The following FGF13 variants were observed in gnomAD, a reference collection of about 807,000 sequenced individuals.
FGF13 encodes fibroblast growth factor 13, also known as fibroblast growth factor homologous factor 2.
Under a neutral mutation model 19.5 loss-of-function variants are expected in FGF13, and 2 were observed. That is an observed-to-expected ratio of 0.10 (90% CI 0.04 to 0.32). FGF13 has a LOEUF of 0.32. FGF13 is among the 10% of genes least tolerant of loss of function. FGF13 has a pLI of 1.00. For missense variants in FGF13, 113 were observed against 192.7 expected, an observed-to-expected ratio of 0.59 and a Z score of 2.45; for synonymous variants, 72 against 76.9, an observed-to-expected ratio of 0.94 and a Z score of 0.33.
chrX:138,719,325 C>T (rs1416878124), intron 1 of FGF13, among the ~76,000 whole-genome samples: 2 of 111,874 alleles, frequency 1.8e-5, no homozygotes, highest in South Asian at 3.7e-4. Flanking sequence ...AAGCACAGTT[C>T]ATAACACTCA....
At chrX:138,918,298 G>T (rs991830814) in intron 1 of FGF13, among the ~76,000 whole-genome samples, 1 of 111,182 alleles carries the variant, frequency 9.0e-6, no homozygotes, top group Non-Finnish European at 1.9e-5. Flanking sequence ...ACTCTGTCAT[G>T]ATTAAACAAC....
In FGF13 at chrX:138,818,185, T is replaced by C. The variant is rs181850524; in HGVS notation, c.217+39327A>G. Reference sequence around the variant, plus strand: ...GGTTGTGCTTAGAGATTTCTACATATTTGATTTCTCAGAGTGTGAAGTATG... The same window carrying C: ...GGTTGTGCTTAGAGATTTCTACATACTTGATTTCTCAGAGTGTGAAGTATG... On this transcript the variant is annotated intron_variant, in intron 3 of 6. Transcript: ENST00000436198. Among the ~76,000 whole-genome samples, 9 of 111,400 alleles carry C rather than the reference T, an allele frequency of 8.1e-5. No homozygotes were observed. The East Asian group carries it at 2.6e-3, about 32-fold the overall frequency.
At chrX:138,794,286 G>T (rs2090761978) in intron 3 of FGF13, among the ~76,000 whole-genome samples, 1 of 111,678 alleles carries the variant, frequency 9.0e-6, no homozygotes, top group Non-Finnish European at 1.9e-5. Flanking sequence ...TTTATGAAAT[G>T]AATGATTCAT....
intron 1 of FGF13, among the ~76,000 whole-genome samples, chrX:138,900,833 T>C (rs1407018794): frequency 9.0e-6 from 1 of 111,696 alleles, no homozygotes; most frequent in Non-Finnish European, 1.9e-5. Context: ...CACTGCTTTT[T>C]TTCTGCCCTT....
intron 1 of FGF13, among the ~76,000 whole-genome samples, chrX:139,106,512 T>C (rs2083561626): frequency 8.9e-6 from 1 of 112,211 alleles, no homozygotes; most frequent in South Asian, 3.7e-4. Context: ...TTTATAAATT[T>C]TTAGTGCTGG....
At chrX:138,641,137 G>A (rs747998415) in intron 3 of FGF13, among the ~76,000 whole-genome samples, 10 of 112,079 alleles carry the variant, frequency 8.9e-5, no homozygotes, top group African/African-American at 3.2e-4. Context: ...AATACATTTT[G>A]TTTAATTCAC....
At chrX:138,832,858 C>CCAGTT (rs1331031213) in intron 3 of FGF13, among the ~76,000 whole-genome samples, 1 of 111,931 alleles carries the variant, frequency 8.9e-6, no homozygotes, top group Non-Finnish European at 1.9e-5. Context: ...AGAAAAGGTT[C>CCAGTT]CAGTTTCAAA....
intron 1 of FGF13, among the ~76,000 whole-genome samples, chrX:139,131,260 T>C (rs1417462296): frequency 2.7e-5 from 3 of 111,562 alleles, no homozygotes; most frequent in African/African-American, 9.8e-5. Flanking sequence ...CCCCACTCTA[T>C]CACTTATTTG....
At chrX:138,809,669 G>A (rs1187881365) in intron 3 of FGF13, among the ~76,000 whole-genome samples, 1 of 111,807 alleles carries the variant, frequency 8.9e-6, no homozygotes, top group Non-Finnish European at 1.9e-5. Flanking sequence ...CCCGTTTGCA[G>A]ATGACATGAT....
intron 3 of FGF13, among the ~76,000 whole-genome samples, chrX:138,649,395 G>A (rs1322748327): frequency 8.9e-6 from 1 of 111,903 alleles, no homozygotes; most frequent in Non-Finnish European, 1.9e-5. Context: ...GCTTCAGGCA[G>A]AACTGGTTAA....
chrX:138,992,423 A>T (rs1247181231), intron 1 of FGF13, among the ~76,000 whole-genome samples: 5 of 111,411 alleles, frequency 4.5e-5, no homozygotes, highest in African/African-American at 1.6e-4. Flanking sequence ...AAAGCCTTAA[A>T]CAACAAACCT....
At chrX:138,816,198 G>A (rs1285432353) in intron 3 of FGF13, among the ~76,000 whole-genome samples, 3 of 111,346 alleles carry the variant, frequency 2.7e-5, no homozygotes, top group Non-Finnish European at 5.7e-5. Flanking sequence ...ATGAAAATAA[G>A]TCACAAGAGA....
chrX:138,736,767 A>G (rs1485512661), intron 1 of FGF13, among the ~76,000 whole-genome samples: 2 of 110,616 alleles, frequency 1.8e-5, no homozygotes, highest in African/African-American at 6.6e-5. Context: ...GAGAGAAGAA[A>G]ATCTGTCTTC....
At position 138,822,397 on chromosome X, in the gene FGF13, G is replaced by C. The variant is rs1172916309; in HGVS notation, c.217+35115C>G. On this transcript the variant is annotated intron_variant, in intron 3 of 6. Coordinates refer to the FGF13 transcript ENST00000436198. Reference sequence around the variant, plus strand: ...GCTACCTGGGTTCACTGAAAGAGAAGGGTCATTTCATATGGGCAGTGTCCT... The same window carrying C: ...GCTACCTGGGTTCACTGAAAGAGAACGGTCATTTCATATGGGCAGTGTCCT... 2.7e-5 allele frequency among the ~76,000 whole-genome samples: 3 copies of C among 111,989 alleles called. No homozygotes were observed. The East Asian group carries it at 8.5e-4, about 32-fold the overall frequency.
At chrX:138,929,886 G>A (rs940338534) in intron 1 of FGF13, among the ~76,000 whole-genome samples, 1 of 109,075 alleles carries the variant, frequency 9.2e-6, no homozygotes, top group Admixed American at 9.9e-5. Context: ...GTGTGTGTGT[G>A]TGTGTGTGTG....
intron 3 of FGF13, among the ~76,000 whole-genome samples, chrX:138,848,915 T>C (rs1305094080): frequency 2.7e-5 from 3 of 112,032 alleles, no homozygotes; most frequent in Non-Finnish European, 5.6e-5. Flanking sequence ...AGCAATATTT[T>C]CTTCATGAAG....
chrX:138,744,062 TA>T (rs912484365), upstream of FGF13, among the ~76,000 whole-genome samples: 1 of 110,164 alleles, frequency 9.1e-6, no homozygotes, highest in African/African-American at 3.3e-5. Flanking sequence ...CCTACAATAC[TA>T]AAGAGTTCCA....
intron 1 of FGF13, among the ~76,000 whole-genome samples, chrX:138,876,021 C>A (rs1175020326): frequency 9.0e-6 from 1 of 110,918 alleles, no homozygotes. Flanking sequence ...CACACACACA[C>A]ACACACACAC....
At position 138,696,395 on chromosome X, in the gene FGF13, A is replaced by G. The variant is rs1569366891; in HGVS notation, c.402+6589T>C. 1.8e-5 allele frequency among the ~76,000 whole-genome samples: 2 copies of G among 112,127 alleles called. 1 individual carries two copies. Among genetic ancestry groups the G allele is most frequent in the Middle Eastern group, 8.4e-3 (2 of 238 alleles). ...TCATTTAGCGTGATAAAAGTATTCT[A>G]GAATTACACAGTGGTGATGGTTGGA... On this transcript the variant is annotated intron_variant, in intron 3 of 4. Coordinates refer to ENST00000315930, the MANE Select transcript of FGF13 (RefSeq NM_004114.5).
Sources: allele counts gnomAD v4.1 joint callset (sites outside exome capture counted in the v4.1 genomes callset), GRCh38; gene constraint gnomAD v4.1.1; transcripts MANE v1.5; gene names NCBI Gene and HGNC (gene_info 2026-07-23, HGNC 2026-07-21).